The following MYH10 variants were observed in gnomAD, a reference collection of about 807,000 sequenced individuals.
MYH10 encodes the protein myosin-10.
A neutral mutation model predicts 257.8 loss-of-function variants in MYH10; 55 were observed. The observed-to-expected ratio is 0.21, with a 90% CI of 0.17 to 0.27. The LOEUF is 0.27. MYH10 is among the 10% of genes least tolerant of loss of function. The pLI, the probability that MYH10 is intolerant of heterozygous loss-of-function variation, is 1.00. For synonymous variants in MYH10, 854 were observed against 921.7 expected (o/e 0.93, Z 1.33); for missense variants, 1,631 against 2,500.6 (o/e 0.65, Z 7.42).
At position 8,495,644 on chromosome 17, in the gene MYH10, T is replaced by C. The variant is rs563450881; in HGVS notation, c.3952-403A>G. ...CCTTCACACGAATATGCGTTAACCA[T>C]ATGTTTTGGGAGGAAAGTATAATTC... On this transcript the variant is annotated intron_variant, in intron 30 of 42. Transcript: ENST00000360416. Among the ~76,000 whole-genome samples, 8 of 152,244 alleles carry C rather than the reference T, an allele frequency of 5.3e-5. No homozygotes were observed. In the South Asian group the frequency reaches 1.7e-3, roughly 32 times the overall value.
chr17:8,614,307 CTTTTTTT>C (rs35801623), intron 2 of MYH10, among the ~76,000 whole-genome samples: 21 of 77,130 alleles, frequency 2.7e-4, no homozygotes, highest in African/African-American at 5.6e-4. Context: ...CAATTCACTT[CTTTTTTT>C]TTTTTTTTTT....
chr17:8,576,012 T>A (rs2083484868), intron 6 of MYH10, among the ~76,000 whole-genome samples: 1 of 152,230 alleles, frequency 6.6e-6, no homozygotes, highest in African/African-American at 2.4e-5. Context: ...GATGAGGTCT[T>A]GCTCCGTTGC....
At chr17:8,582,093 A>G (rs2083727300) in intron 4 of MYH10, among the ~76,000 whole-genome samples, 1 of 152,232 alleles carries the variant, frequency 6.6e-6, no homozygotes, top group South Asian at 2.1e-4. Flanking sequence ...GATGATGATG[A>G]AGATGGTAAT....
chr17:8,591,836 T>C (rs1319630369), intron 3 of MYH10, among the ~76,000 whole-genome samples: 2 of 152,164 alleles, frequency 1.3e-5, no homozygotes, highest in African/African-American at 4.8e-5. Flanking sequence ...ATTTTTGTTA[T>C]TTGTCTGTCT....
intron 25 of MYH10, among the ~76,000 whole-genome samples, 178 bp downstream of exon 25, chr17:8,509,634 A>G (rs148202322): frequency 6.6e-4 from 100 of 152,340 alleles, no homozygotes; most frequent in African/African-American, 2.3e-3. Context: ...AAAAAATTCA[A>G]TGGTGCCTGT....
In MYH10 at chr17:8,572,827, C is replaced by T. The variant is rs149649941; in HGVS notation, c.664-3015G>A. Among the ~76,000 whole-genome samples the T allele has an allele frequency of 2.5e-3, 384 of 152,266 alleles. 7 individuals carry two copies. Among genetic ancestry groups the T allele is most frequent in the Admixed American group, 0.023 (352 of 15,290 alleles). On this transcript the variant is annotated intron_variant, in intron 6 of 42. Transcript: ENST00000360416. The stretch of plus-strand genomic sequence containing the variant: ...GATCTCAAAAACTCCCCAAATGAAT[C>T]CCCAAAAACCTGGTACAAAGCCAAT...
rs1567915129 is a variant in MYH10, at chr17:8,569,765, T to C, written c.711A>G (p.Ser237=). 1.2e-6 allele frequency: 2 copies of C among 1,612,350 alleles called. No homozygotes were observed. Among genetic ancestry groups the C allele is most frequent in the South Asian group, 1.1e-5 (1 of 90,518 alleles). ...QLLQANPILE[S]FGNAKTVKND... is the part of the protein sequence containing the mutation. Reference sequence around the variant, plus strand: ...TTTTCACAGTCTTCGCATTTCCAAATGATTCCAGAATTGGATTTGCTTGCA... The same window carrying C: ...TTTTCACAGTCTTCGCATTTCCAAACGATTCCAGAATTGGATTTGCTTGCA... Residue 237 remains serine, a synonymous_variant, in exon 7 of 43, where the codon TCA becomes TCG. Transcript: ENST00000360416. The surrounding 1 kb of genome is among the most constrained non-coding windows in gnomAD (Gnocchi z 4.1).
chr17:8,609,340 C>T (rs1246275316), intron 2 of MYH10, among the ~76,000 whole-genome samples: 1 of 151,748 alleles, frequency 6.6e-6, no homozygotes, highest in Non-Finnish European at 1.5e-5. Context: ...AGAAATCAGA[C>T]CACCATCGAG....
At chr17:8,476,002 T>G in intron 42 of MYH10, 54 bp from the exon 43 acceptor site, 1 of 1,567,572 alleles carries the variant, frequency 6.4e-7, no homozygotes, top group Non-Finnish European at 8.6e-7. Context: ...AGCACATGGC[T>G]GTCAATATGT....
In MYH10 at chr17:8,480,175, C is replaced by T. The variant is rs1214148994; in HGVS notation, c.5532G>A (p.Lys1844=). 7 of 1,614,094 alleles carry T rather than the reference C, an allele frequency of 4.3e-6. No homozygotes were observed. The highest frequency in any genetic ancestry group is 5.9e-6 in the Non-Finnish European group (7 of 1,180,050). ...TGGCCTCCAGGGCTGAGATGGTGGC[C>T]TTGAACTTAGACTTGACAGCACCCT... The part of the protein sequence containing the change: ...ELEGAVKSKF[K]ATISALEAKI... The change falls in exon 40 of 43, where the codon AAG becomes AAA. Residue 1844 remains lysine, a synonymous_variant. Transcript: ENST00000360416.
Position 8,552,802 on chromosome 17 carries a change from TGCGGCCAGTAC to T in MYH10, c.821-669_821-659del. ...TCCCTCTGCTGCTCTGAAGAACCGG[TGCGGCCAGTAC>T]CTACGCCTGCTGCTACCCACCCTGC... is the stretch of plus-strand genomic sequence containing the variant. On this transcript the variant is annotated intron_variant, in intron 8 of 42. Transcript: ENST00000360416. This position sits in a 1 kb window ranked among gnomAD's most constrained non-coding sequence, Gnocchi z 4.8. 6.6e-6 allele frequency among the ~76,000 whole-genome samples: 1 copy of T among 152,202 alleles called. No homozygotes were observed. The highest frequency in any genetic ancestry group is 1.5e-5 in the Non-Finnish European group (1 of 68,034).
chr17:8,492,631 C>CTTTTTTTTTTTTTTTTTTTTTTTTCTT, intron 33 of MYH10, 122 bp from the exon 34 acceptor site: 1 of 949,302 alleles, frequency 1.1e-6, no homozygotes, highest in Non-Finnish European at 1.5e-6. Flanking sequence ...CTTGTATTTC[C>CTTTTTTTTTTTTTTTTTTTTTTTTCTT]TTTTTTTTTT....
chr17:8,493,037 T>G lies in MYH10; in HGVS notation c.4210-13A>C. ...TGGTATCAGCCAACTAGGTTTTGTG[T>G]ACGGACAAACAGAAAGCTCAGTATT... On this transcript the variant is annotated splice_polypyrimidine_tract_variant and intron_variant, in intron 32 of 42. Coordinates refer to ENST00000360416, the MANE Select transcript of MYH10 (RefSeq NM_001256012.3). 6.2e-7 allele frequency: 1 copy of G among 1,611,264 alleles called. No individual in the cohort carries two copies. The highest frequency in any genetic ancestry group is 8.5e-7 in the Non-Finnish European group (1 of 1,179,096).
In MYH10 at chr17:8,569,043, C is replaced by A. The variant is rs2083250592; in HGVS notation, c.756+677G>T. On this transcript the variant is annotated intron_variant, in intron 7 of 42. Coordinates refer to ENST00000360416, the MANE Select transcript of MYH10 (RefSeq NM_001256012.3). The surrounding 1 kb of genome is among the most constrained non-coding windows in gnomAD (Gnocchi z 4.1). Reference sequence around the variant, plus strand: ...CTGGACAACATAGTGAGACCCTAGTCTCTAAAAAAAAAAAAGTTACTCTTT... The same window carrying A: ...CTGGACAACATAGTGAGACCCTAGTATCTAAAAAAAAAAAAGTTACTCTTT... Among the ~76,000 whole-genome samples, 1 of 149,854 alleles carries A rather than the reference C, an allele frequency of 6.7e-6. No individual in the cohort carries two copies. Among genetic ancestry groups the A allele is most frequent in the South Asian group, 2.1e-4 (1 of 4,728 alleles).
intron 7 of MYH10, among the ~76,000 whole-genome samples, chr17:8,568,048 C>T (rs940756896): frequency 2.0e-5 from 3 of 152,150 alleles, no homozygotes; most frequent in African/African-American, 7.2e-5. Context: ...AACATAAAAA[C>T]AGCCTAAAAT....
Position 8,512,445 on chromosome 17 carries a change from A to C in MYH10, c.2952+6T>G, listed in dbSNP as rs2081332274. Reference sequence around the variant, plus strand: ...TATGCTTCTAAGTAAAAATTATTATACATACCTGAATATGTGCTTGCATTT... The same window carrying C: ...TATGCTTCTAAGTAAAAATTATTATCCATACCTGAATATGTGCTTGCATTT... On this transcript the variant is annotated splice_donor_region_variant and intron_variant, in intron 24 of 42. Transcript: ENST00000360416. 3 of 1,601,630 alleles carry C rather than the reference A, an allele frequency of 1.9e-6. No homozygotes were observed. In the South Asian group the frequency reaches 3.4e-5, roughly 18 times the overall value.
At chr17:8,601,320 TCGG>T (rs1205033790) in intron 3 of MYH10, among the ~76,000 whole-genome samples, 1 of 152,168 alleles carries the variant, frequency 6.6e-6, no homozygotes, top group East Asian at 1.9e-4. Context: ...GGTAGAGGCC[TCGG>T]TGTTCCTAAA....
intron 6 of MYH10, among the ~76,000 whole-genome samples, chr17:8,571,177 T>TTTTC (rs570647156): frequency 3.8e-5 from 1 of 26,142 alleles, no homozygotes; most frequent in Non-Finnish European, 9.7e-5. Context: ...TGTAAAGTTT[T>TTTTC]TGTTTTTTTT....
chr17:8,606,085 C>T (rs1170407537), intron 2 of MYH10, among the ~76,000 whole-genome samples: 1 of 151,938 alleles, frequency 6.6e-6, no homozygotes, highest in Non-Finnish European at 1.5e-5. Context: ...ATTACTGATA[C>T]AGTAAATATC....
Sources: allele counts gnomAD v4.1 joint callset (sites outside exome capture counted in the v4.1 genomes callset), GRCh38; gene constraint gnomAD v4.1.1; non-coding constraint Gnocchi (gnomAD v3.1); transcripts MANE v1.5; gene names NCBI Gene and HGNC (gene_info 2026-07-23, HGNC 2026-07-21).